The following BMPR1B variants were observed in gnomAD, a reference collection of about 807,000 sequenced individuals.
The protein encoded by BMPR1B is bone morphogenetic protein receptor type 1B, also known as bone morphogenetic protein receptor type-1B.
In BMPR1B, 12 loss-of-function variants were observed where a neutral mutation model predicts 59.1. That is an observed-to-expected ratio of 0.20 (90% CI 0.13 to 0.33). BMPR1B has a LOEUF of 0.33. BMPR1B is among the 10% of genes least tolerant of loss of function. The pLI is 1.00. For synonymous variants in BMPR1B, 237 were observed against 207.3 expected, an observed-to-expected ratio of 1.14 and a Z score of -1.23; for missense variants, 550 against 610.9, an observed-to-expected ratio of 0.90 and a Z score of 1.05.
At chr4:95,017,197 G>A (rs979594922) in intron 3 of BMPR1B, among the ~76,000 whole-genome samples, 33 of 152,216 alleles carry the variant, frequency 2.2e-4, no homozygotes, top group African/African-American at 7.7e-4. Flanking sequence ...AGCAAGCCAT[G>A]CAAGCAGCTC....
chr4:94,781,586 A>G (rs373238176), intron 1 of BMPR1B, among the ~76,000 whole-genome samples: 1 of 151,844 alleles, frequency 6.6e-6, no homozygotes, highest in Non-Finnish European at 1.5e-5. Context: ...TAATTTTTGT[A>G]TTTTTAGTAG....
At chr4:95,075,432 C>A (rs540510953) in intron 3 of BMPR1B, among the ~76,000 whole-genome samples, 1 of 151,988 alleles carries the variant, frequency 6.6e-6, no homozygotes, top group Non-Finnish European at 1.5e-5. Context: ...TGTATGTAGA[C>A]GATATATTAA....
Position 95,071,921 on chromosome 4 carries a change from G to C in BMPR1B, c.-17-32487G>C, listed in dbSNP as rs541752282. Among the ~76,000 whole-genome samples, 10 of 151,880 alleles carry C rather than the reference G, an allele frequency of 6.6e-5. No homozygotes were observed. In the South Asian group the frequency reaches 1.7e-3, roughly 25 times the overall value. ...AACAGAGCCAATAAGGTGATAAGGC[G>C]TGTGTGTCTGTTTGTGTGCATGTGT... On this transcript the variant is annotated intron_variant, in intron 3 of 12. Coordinates refer to ENST00000515059, the MANE Select transcript of BMPR1B (RefSeq NM_001203.3).
At chr4:95,068,854 G>A (rs982072540) in intron 3 of BMPR1B, among the ~76,000 whole-genome samples, 1 of 152,092 alleles carries the variant, frequency 6.6e-6, no homozygotes, top group African/African-American at 2.4e-5. Context: ...CCAAAATTAT[G>A]AAGTACCTTC....
At chr4:94,852,343 T>C (rs1345003173) in intron 1 of BMPR1B, among the ~76,000 whole-genome samples, 2 of 152,152 alleles carry the variant, frequency 1.3e-5, no homozygotes, top group East Asian at 1.9e-4. Context: ...GGAAAAAATA[T>C]ATGTATACAC....
chr4:94,999,413 C>A (rs1722283798), intron 3 of BMPR1B, among the ~76,000 whole-genome samples: 1 of 145,202 alleles, frequency 6.9e-6, no homozygotes, highest in Admixed American at 7.0e-5. Context: ...TTTCTAGGAC[C>A]AATCAGTGTT....
intron 3 of BMPR1B, among the ~76,000 whole-genome samples, chr4:95,004,001 T>C (rs1373105725): frequency 6.6e-6 from 1 of 151,740 alleles, no homozygotes; most frequent in Non-Finnish European, 1.5e-5. Flanking sequence ...AGAGATAGGG[T>C]TTCACTATGT....
chr4:94,908,822 G>A (rs939151529), intron 2 of BMPR1B, among the ~76,000 whole-genome samples: 5 of 151,866 alleles, frequency 3.3e-5, no homozygotes, highest in African/African-American at 9.7e-5. Flanking sequence ...TAATGTCTCC[G>A]TGTTCATAGT....
chr4:95,047,967 G>T lies in BMPR1B; in HGVS notation c.-18+51833G>T, dbSNP rs553264634. Among the ~76,000 whole-genome samples the T allele has an allele frequency of 3.3e-5, 5 of 152,196 alleles. No individual in the cohort carries two copies. The South Asian group carries it at 1.0e-3, about 32-fold the overall frequency. The stretch of plus-strand genomic sequence containing the variant: ...CCTGCGTGTCTCCTTCCCCACTCCA[G>T]TAGGCCCCAGTGTCTGTTGTTGCCA... On this transcript the variant is annotated intron_variant, in intron 3 of 12. Transcript: ENST00000515059.
At position 95,112,691 on chromosome 4, in the gene BMPR1B, A is replaced by G. The variant is rs572957132; in HGVS notation, c.144-2029A>G. Among the ~76,000 whole-genome samples the G allele has an allele frequency of 2.6e-5, 4 of 152,050 alleles. No individual in the cohort carries two copies. In the South Asian group the frequency reaches 8.3e-4, roughly 32 times the overall value. ...TATTTTCTCAGGGTCTCCCCTCTTT[A>G]TATTTTTAGCTCCTCTCTCTTTGCA... On this transcript the variant is annotated intron_variant, in intron 4 of 12. Transcript: ENST00000515059.
chr4:94,895,139 T>A (rs570418860), intron 2 of BMPR1B, among the ~76,000 whole-genome samples: 1 of 152,032 alleles, frequency 6.6e-6, no homozygotes. Flanking sequence ...AATTCTTTTT[T>A]CTGCTTGATT....
chr4:94,931,764 G>T (rs1210619575), intron 2 of BMPR1B, among the ~76,000 whole-genome samples: 1 of 152,092 alleles, frequency 6.6e-6, no homozygotes, highest in African/African-American at 2.4e-5. Flanking sequence ...GCAAGGGAGG[G>T]CTGCATGCTT....
chr4:95,097,879 T>C (rs1730545900), intron 3 of BMPR1B, among the ~76,000 whole-genome samples: 1 of 152,196 alleles, frequency 6.6e-6, no homozygotes, highest in Non-Finnish European at 1.5e-5. Flanking sequence ...TTTACTCTAT[T>C]GATTTAGTAA....
chr4:94,992,612 A>C (rs1165550821), intron 2 of BMPR1B, among the ~76,000 whole-genome samples: 2 of 152,194 alleles, frequency 1.3e-5, no homozygotes, highest in Non-Finnish European at 2.9e-5. Context: ...CTTGATAAAT[A>C]ATACTTCTAC....
At position 94,879,128 on chromosome 4, in the gene BMPR1B, T is replaced by A. The variant is rs2148976893; in HGVS notation, c.-113+3228T>A. On this transcript the variant is annotated intron_variant, in intron 2 of 12. Coordinates refer to ENST00000515059, the MANE Select transcript of BMPR1B (RefSeq NM_001203.3). ...AACTCGTCATTTAGCATTAGGTATA[T>A]CTCCTATTATAATTTCTTCTCATTT... Among the ~76,000 whole-genome samples, 3 of 152,300 alleles carry A rather than the reference T, an allele frequency of 2.0e-5. No individual in the cohort carries two copies. The Middle Eastern group carries it at 0.01, about 518-fold the overall frequency.
intron 2 of BMPR1B, among the ~76,000 whole-genome samples, chr4:94,931,832 G>C (rs534020501): frequency 6.6e-6 from 1 of 152,208 alleles, no homozygotes; most frequent in South Asian, 2.1e-4. Context: ...GAGCCGTTCA[G>C]TCACCATGTG....
intron 2 of BMPR1B, among the ~76,000 whole-genome samples, chr4:94,954,916 A>G: frequency 6.6e-6 from 1 of 152,128 alleles, no homozygotes; most frequent in Admixed American, 6.5e-5. Flanking sequence ...TACTACTGTT[A>G]TTATTATTAT....
intron 3 of BMPR1B, among the ~76,000 whole-genome samples, chr4:95,065,150 G>T (rs1401512071): frequency 2.0e-5 from 3 of 152,096 alleles, no homozygotes; most frequent in Admixed American, 6.6e-5. Flanking sequence ...CTATATAATA[G>T]AATGTTATTT....
chr4:94,813,944 T>A (rs962933125), intron 1 of BMPR1B, among the ~76,000 whole-genome samples: 1 of 152,152 alleles, frequency 6.6e-6, no homozygotes, highest in African/African-American at 2.4e-5. Flanking sequence ...GATGGAAATA[T>A]CAGGAGTTAG....
Sources: allele counts gnomAD v4.1 joint callset (sites outside exome capture counted in the v4.1 genomes callset), GRCh38; gene constraint gnomAD v4.1.1; transcripts MANE v1.5; gene names NCBI Gene and HGNC (gene_info 2026-07-23, HGNC 2026-07-21).